CNOT2: variants seen among roughly 807,000 people sequenced by gnomAD.
CNOT2 encodes the protein CC chemokine receptor 4-negative regulator of transcription 2.
CNOT2 carries 7 observed loss-of-function variants against 72.1 expected under a neutral mutation model. The ratio of observed to expected loss-of-function variants is 0.10; its 90% CI spans 0.06 to 0.18. CNOT2 has a LOEUF of 0.18. CNOT2 is among the 10% of genes least tolerant of loss of function. CNOT2 has a pLI of 1.00. For synonymous variants in CNOT2, 196 were observed against 225.6 expected, an observed-to-expected ratio of 0.87 and a Z score of 1.17; for missense variants, 345 against 660.3, an observed-to-expected ratio of 0.52 and a Z score of 5.23.
At chr12:70,261,374 G>A (rs567367558) in intron 1 of CNOT2, among the ~76,000 whole-genome samples, 1 of 132,064 alleles carries the variant, frequency 7.6e-6, no homozygotes. Flanking sequence ...GAGTGCAGTG[G>A]CATGATCTCG....
intron 1 of CNOT2, among the ~76,000 whole-genome samples, chr12:70,277,429 C>T (rs1346580152): frequency 6.6e-6 from 1 of 151,930 alleles, no homozygotes; most frequent in Non-Finnish European, 1.5e-5. Context: ...ATTTATATCT[C>T]TGCAGTTTAA....
At chr12:70,292,708 G>A (rs1438568388) in intron 2 of CNOT2, among the ~76,000 whole-genome samples, 2 of 152,180 alleles carry the variant, frequency 1.3e-5, no homozygotes, top group African/African-American at 4.8e-5. Context: ...TTGTAAATGT[G>A]TTTCACCTCT....
chr12:70,309,958 A>G (rs12317239), intron 2 of CNOT2, among the ~76,000 whole-genome samples: 2,029 of 152,146 alleles, frequency 0.013, 44 homozygotes, highest in African/African-American at 0.046. Flanking sequence ...TATTTGGGGA[A>G]AAATAATGGA....
chr12:70,266,663 G>T (rs988489045), intron 1 of CNOT2, among the ~76,000 whole-genome samples: 2 of 152,194 alleles, frequency 1.3e-5, no homozygotes, highest in African/African-American at 4.8e-5. Flanking sequence ...TGTCTTCCTG[G>T]TAAGTTGGCC....
chr12:70,250,063 A>T lies in CNOT2; in HGVS notation c.-96+6583A>T, dbSNP rs1384339472. On this transcript the variant is annotated intron_variant, in intron 1 of 15. Coordinates refer to ENST00000229195, the MANE Select transcript of CNOT2 (RefSeq NM_014515.7). ...CAAACCGGTTAACCTGACATCTGAGATAGTCTTTAAAGTGTTTAAGTTTGG... is the reference window on the plus strand; with the variant it reads ...CAAACCGGTTAACCTGACATCTGAGTTAGTCTTTAAAGTGTTTAAGTTTGG... 1.3e-5 allele frequency among the ~76,000 whole-genome samples: 2 copies of T among 152,122 alleles called. 1 individual carries two copies. The highest frequency in any genetic ancestry group is 3.9e-4 in the East Asian group (2 of 5,192).
chr12:70,336,492 A>G (rs1263306671), intron 8 of CNOT2: 1 of 152,126 alleles, frequency 6.6e-6, no homozygotes, highest in African/African-American at 2.4e-5. Flanking sequence ...CAGTTCATCC[A>G]TTATTTTAAG....
intron 2 of CNOT2, among the ~76,000 whole-genome samples, chr12:70,309,468 T>C (rs1876072299): frequency 6.6e-6 from 1 of 152,106 alleles, no homozygotes; most frequent in Non-Finnish European, 1.5e-5. Flanking sequence ...TTAAACAGCA[T>C]GGGTGCTTTC....
intron 7 of CNOT2, 73 bp downstream of exon 7, chr12:70,332,919 CT>C (rs1880163307): frequency 6.9e-7 from 1 of 1,446,018 alleles, no homozygotes; most frequent in Non-Finnish European, 9.1e-7. Flanking sequence ...ATTCAACATA[CT>C]GGTCTTTAAA....
At chr12:70,319,807 G>C (rs540342353) in intron 4 of CNOT2, among the ~76,000 whole-genome samples, 1 of 151,686 alleles carries the variant, frequency 6.6e-6, no homozygotes, top group East Asian at 1.9e-4. Flanking sequence ...TGTTTCACAA[G>C]TATTTCTTAA....
intron 2 of CNOT2, among the ~76,000 whole-genome samples, chr12:70,298,539 T>C (rs1873232585): frequency 1.3e-5 from 2 of 152,216 alleles, no homozygotes; most frequent in African/African-American, 2.4e-5. Flanking sequence ...TCTAGCGTTA[T>C]CTTGATAATT....
chr12:70,292,682 A>G (rs968584707), intron 2 of CNOT2, among the ~76,000 whole-genome samples: 1 of 152,204 alleles, frequency 6.6e-6, no homozygotes, highest in African/African-American at 2.4e-5. Flanking sequence ...GGCCTTGGTA[A>G]TGGTGCAGGA....
chr12:70,348,050 G>A (rs1178224281), intron 15 of CNOT2: 1 of 152,032 alleles, frequency 6.6e-6, no homozygotes, highest in African/African-American at 2.4e-5. Context: ...ATTGAGGTGA[G>A]ATTTTCCTCT....
intron 1 of CNOT2, among the ~76,000 whole-genome samples, chr12:70,268,795 G>A (rs758057562): frequency 1.3e-5 from 2 of 151,992 alleles, no homozygotes; most frequent in Non-Finnish European, 2.9e-5. Flanking sequence ...CTGTTTCTAT[G>A]TAGTGGGAAA....
At chr12:70,291,850 T>A (rs1871959191) in intron 2 of CNOT2, among the ~76,000 whole-genome samples, 1 of 152,120 alleles carries the variant, frequency 6.6e-6, no homozygotes, top group Non-Finnish European at 1.5e-5. Context: ...GGCAGGAGAA[T>A]GGCGTGAACC....
chr12:70,281,959 C>A (rs1565762852), intron 2 of CNOT2, among the ~76,000 whole-genome samples: 1 of 136,454 alleles, frequency 7.3e-6, no homozygotes, highest in African/African-American at 2.6e-5. Flanking sequence ...AGTGTAGATA[C>A]AGAACATTTC....
intron 2 of CNOT2, chr12:70,307,569 T>C (rs1875650614): frequency 6.6e-6 from 1 of 151,316 alleles, no homozygotes; most frequent in African/African-American, 2.4e-5. Flanking sequence ...TTTATTAAAA[T>C]TTTTATTTAC....
chr12:70,248,810 G>C (rs1165114721), intron 1 of CNOT2, among the ~76,000 whole-genome samples: 1 of 151,998 alleles, frequency 6.6e-6, no homozygotes, highest in Non-Finnish European at 1.5e-5. Context: ...TTTTAAAAAG[G>C]GAGTATGATC....
chr12:70,300,170 G>A (rs1340040270), intron 2 of CNOT2, among the ~76,000 whole-genome samples: 3 of 152,134 alleles, frequency 2.0e-5, no homozygotes, highest in Middle Eastern at 3.2e-3. Context: ...TTCTGTAGAA[G>A]CCTGTTCACT....
intron 2 of CNOT2, chr12:70,307,622 G>A (rs1875662469): frequency 6.6e-6 from 1 of 152,094 alleles, no homozygotes; most frequent in East Asian, 1.9e-4. Context: ...TAATTTCAAT[G>A]TATTTCGATA....
Sources: allele counts gnomAD v4.1 joint callset (sites outside exome capture counted in the v4.1 genomes callset), GRCh38; gene constraint gnomAD v4.1.1; transcripts MANE v1.5; gene names NCBI Gene and HGNC (gene_info 2026-07-23, HGNC 2026-07-21).